CCND2: variants seen among roughly 807,000 people sequenced by gnomAD.
CCND2 encodes the protein cyclin D2.
In CCND2, 6 loss-of-function variants were observed where a neutral mutation model predicts 30.2. The observed-to-expected ratio is 0.20, with a 90% CI of 0.11 to 0.39. The LOEUF is 0.39. Among genes scored for constraint, CCND2 ranks in the 10% least tolerant of loss-of-function variants. The pLI, the probability that CCND2 is intolerant of heterozygous loss-of-function variation, is 1.00. For missense variants in CCND2, 235 were observed against 373.4 expected, an observed-to-expected ratio of 0.63 and a Z score of 3.06; for synonymous variants, 150 against 153.1, an observed-to-expected ratio of 0.98 and a Z score of 0.15.
intron 2 of CCND2, among the ~76,000 whole-genome samples, chr12:4,277,985 C>CAA (rs3217801): frequency 0.58 from 88,682 of 152,066 alleles, 25,940 homozygotes; most frequent in Middle Eastern, 0.63. Flanking sequence ...GTGAGAGACC[C>CAA]AAGAGACAGG....
intron 4 of CCND2, among the ~76,000 whole-genome samples, chr12:4,290,913 C>G (rs1309167902): frequency 6.6e-6 from 1 of 152,188 alleles, no homozygotes; most frequent in Non-Finnish European, 1.5e-5. Flanking sequence ...GGGGTGTCCT[C>G]CTATAAATCC....
chr12:4,301,474 T>G lies in CCND2; in HGVS notation c.*1465T>G, dbSNP rs922377823. On this transcript the variant is annotated 3_prime_UTR_variant, in exon 5 of 5. Transcript: ENST00000261254. ...TAGCAAAGAGGTTGGAGCAACAACT[T>G]TTTTTTTTTTTTTTGCACAATTGTA... is the stretch of plus-strand genomic sequence containing the variant. 4.5e-5 allele frequency: 8 copies of G among 177,864 alleles called. No homozygotes were observed. Among genetic ancestry groups the G allele is most frequent in the African/African-American group, 1.9e-4 (8 of 42,042 alleles). The allele number at this position is 177,864 out of a possible 1,614,324, so 11.0% of individuals were successfully genotyped here.
chr12:4,297,882 C>T (rs1287039531), intron 4 of CCND2: 8 of 448,536 alleles, frequency 1.8e-5, no homozygotes, highest in Non-Finnish European at 2.3e-5. Context: ...CAGGGTGGCA[C>T]GGAGACTCCT....
chr12:4,290,165 C>T (rs1864078606), intron 4 of CCND2, among the ~76,000 whole-genome samples: 1 of 152,190 alleles, frequency 6.6e-6, no homozygotes, highest in African/African-American at 2.4e-5. Flanking sequence ...CCTCAGAGAG[C>T]CCACGGCTGC....
intron 3 of CCND2, among the ~76,000 whole-genome samples, chr12:4,286,729 G>T (rs573602342): frequency 6.6e-6 from 1 of 152,372 alleles, no homozygotes; most frequent in South Asian, 2.1e-4. Context: ...CGGTGCACCT[G>T]TTCCCCCTAT....
chr12:4,297,732 A>G (rs1267660985), intron 4 of CCND2: 1 of 304,278 alleles, frequency 3.3e-6, no homozygotes, highest in Non-Finnish European at 7.1e-6. Context: ...GGTGAGCCCC[A>G]TGTGATTTAT....
intron 4 of CCND2, among the ~76,000 whole-genome samples, chr12:4,296,341 G>A (rs940878628): frequency 1.3e-5 from 2 of 152,266 alleles, no homozygotes; most frequent in African/African-American, 4.8e-5. Flanking sequence ...GCCGGGAGGC[G>A]AGAGGGATTT....
chr12:4,274,165 C>G lies in CCND2; in HGVS notation c.125C>G (p.Ser42Cys), dbSNP rs1401047935. The G allele has an allele frequency of 6.2e-7, 1 of 1,614,084 alleles. No individual in the cohort carries two copies. The highest frequency in any genetic ancestry group is 2.2e-5 in the East Asian group (1 of 44,852). ...TIEERYLPQC[S>C]YFKCVQKDIQ... Reference sequence around the variant, plus strand: ...GAGGAGCGCTACCTTCCGCAGTGCTCCTACTTCAAGTGCGTGCAGAAGGAC... The same window carrying G: ...GAGGAGCGCTACCTTCCGCAGTGCTGCTACTTCAAGTGCGTGCAGAAGGAC... Residue 42 changes from serine to cysteine, a missense_variant, in exon 1 of 5, where the codon TCC becomes TGC. Ser to Cys is a moderately radical substitution (Grantham distance 112). This residue lies in a region of CCND2 where 178 missense variants were observed against 322.8 expected (regional missense o/e 0.55). Transcript: ENST00000261254. This position sits in a 1 kb window ranked among gnomAD's most constrained non-coding sequence, Gnocchi z 7.7.
In CCND2 at chr12:4,276,981, C is replaced by A. The variant is rs756650421; in HGVS notation, c.411+761C>A. Among the ~76,000 whole-genome samples the A allele has an allele frequency of 2.0e-5, 3 of 152,244 alleles. No homozygotes were observed. Among genetic ancestry groups the A allele is most frequent in the Non-Finnish European group, 4.4e-5 (3 of 68,044 alleles). On this transcript the variant is annotated intron_variant, in intron 2 of 4. Transcript: ENST00000261254. The surrounding 1 kb of genome is among the most constrained non-coding windows in gnomAD (Gnocchi z 4.8). ...GGTGGTTTGCACACCCCTCTTTGCA[C>A]TGTTCAGAAAAGCACCCCCTCCTTC... is the stretch of plus-strand genomic sequence containing the variant.
At chr12:4,275,980 C>G (rs764380553) in intron 1 of CCND2, 25 bp from the exon 2 acceptor site, 21 of 1,436,128 alleles carry the variant, frequency 1.5e-5, no homozygotes, top group Admixed American at 3.8e-5. Context: ...CCCCGCCCCC[C>G]AACCCTTTCC....
chr12:4,281,636 C>T (rs946233155), intron 3 of CCND2, among the ~76,000 whole-genome samples: 1 of 151,918 alleles, frequency 6.6e-6, no homozygotes, highest in African/African-American at 2.4e-5. Context: ...GTGGGGGTCC[C>T]GAGAGATGGC....
chr12:4,276,262 G>T lies in CCND2; in HGVS notation c.411+42G>T, dbSNP rs774554963. 2 of 1,548,218 alleles carry T rather than the reference G, an allele frequency of 1.3e-6. No individual in the cohort carries two copies. Among genetic ancestry groups the T allele is most frequent in the Non-Finnish European group, 1.8e-6 (2 of 1,129,758 alleles). On this transcript the variant is annotated intron_variant, in intron 2 of 4. Coordinates refer to ENST00000261254, the MANE Select transcript of CCND2 (RefSeq NM_001759.4). This position sits in a 1 kb window ranked among gnomAD's most constrained non-coding sequence, Gnocchi z 4.8. ...TCCTCCCTTCCTTTCTGCGATTCCCGCTTTCCCCTGGCCAACAATATGCCT... is the reference window on the plus strand; with the variant it reads ...TCCTCCCTTCCTTTCTGCGATTCCCTCTTTCCCCTGGCCAACAATATGCCT...
At chr12:4,277,463 CA>C (rs1332980946) in intron 2 of CCND2, among the ~76,000 whole-genome samples, 2 of 152,184 alleles carry the variant, frequency 1.3e-5, no homozygotes, top group Non-Finnish European at 2.9e-5. Context: ...AATTGGGAAC[CA>C]ATTTGTTTTT....
chr12:4,297,151 C>A (rs1864180891), intron 4 of CCND2, among the ~76,000 whole-genome samples: 1 of 129,538 alleles, frequency 7.7e-6, no homozygotes, highest in African/African-American at 2.9e-5. Context: ...CACAGCAGTT[C>A]TGACCGTTGT....
At chr12:4,297,570 CAAAAAAAAAAA>C (rs71061177) in intron 4 of CCND2, among the ~76,000 whole-genome samples, 22 of 74,750 alleles carry the variant, frequency 2.9e-4, no homozygotes, top group Admixed American at 2.1e-3. Context: ...CACTCTGTCT[CAAAAAAAAAAA>C]AAAAAAAAAA....
chr12:4,291,983 G>A (rs989331429), intron 4 of CCND2, among the ~76,000 whole-genome samples: 2 of 152,138 alleles, frequency 1.3e-5, no homozygotes, highest in Non-Finnish European at 2.9e-5. Flanking sequence ...TGTTTAATGC[G>A]TACGGAGTTT....
chr12:4,291,234 T>TGTGTGTGTGTGTGTGTG (rs6144591), intron 4 of CCND2, among the ~76,000 whole-genome samples: 21 of 151,260 alleles, frequency 1.4e-4, no homozygotes, highest in South Asian at 6.3e-4. Context: ...TGTGTGTGTG[T>TGTGTGTGTGTGTGTGTG]TTATGCACCT....
intron 4 of CCND2, among the ~76,000 whole-genome samples, chr12:4,289,581 T>C (rs934931184): frequency 2.0e-5 from 3 of 152,232 alleles, no homozygotes; most frequent in African/African-American, 7.2e-5. Flanking sequence ...TATTATTAGC[T>C]ACGGAGCTTC....
chr12:4,281,196 G>A (rs1035007463), intron 3 of CCND2, among the ~76,000 whole-genome samples: 2 of 152,218 alleles, frequency 1.3e-5, no homozygotes, highest in African/African-American at 2.4e-5. Context: ...GTAGGTCCTC[G>A]GCAGTTTCCT....
Sources: gnomAD v4.1 joint callset for allele counts (sites outside exome capture counted in the v4.1 genomes callset) on GRCh38, gnomAD v4.1.1 for gene constraint, gnomAD v4.1.1 regional missense constraint, Gnocchi (gnomAD v3.1) non-coding constraint, MANE v1.5 for transcripts, NCBI Gene and HGNC (gene_info 2026-07-23, HGNC 2026-07-21) for gene names.